The following BMP6 variants were observed in gnomAD, a reference collection of about 807,000 sequenced individuals.
The protein encoded by BMP6 is bone morphogenetic protein 6, also known as VG-1-R.
Under a neutral mutation model 54.1 loss-of-function variants are expected in BMP6, and 17 were observed. The ratio of observed to expected loss-of-function variants is 0.31; its 90% CI spans 0.22 to 0.47. The LOEUF (loss-of-function observed/expected upper bound fraction) is 0.47, where lower values mean the gene tolerates loss of function less well. BMP6 is among the 20% of genes least tolerant of loss of function. BMP6 has a pLI of 1.00. For missense variants in BMP6, 720 were observed against 690.4 expected, an observed-to-expected ratio of 1.04 and a Z score of -0.48; for synonymous variants, 328 against 291.2, an observed-to-expected ratio of 1.13 and a Z score of -1.28.
intron 1 of BMP6, among the ~76,000 whole-genome samples, chr6:7,839,395 C>A (rs897517648): frequency 6.6e-6 from 1 of 152,214 alleles, no homozygotes; most frequent in Non-Finnish European, 1.5e-5. Context: ...GTGCCACTAT[C>A]ACCACTTCCT....
chr6:7,758,797 C>T (rs1050388889), intron 1 of BMP6, among the ~76,000 whole-genome samples: 5 of 152,092 alleles, frequency 3.3e-5, no homozygotes, highest in Non-Finnish European at 5.9e-5. Flanking sequence ...CCTCTCTCCA[C>T]CCCCTTCCAC....
chr6:7,793,157 C>T (rs959938571), intron 1 of BMP6, among the ~76,000 whole-genome samples: 3 of 151,970 alleles, frequency 2.0e-5, no homozygotes, highest in Admixed American at 2.0e-4. Flanking sequence ...AATGGATAAA[C>T]AAACTGGCAC....
intron 1 of BMP6, among the ~76,000 whole-genome samples, chr6:7,750,079 C>T (rs989871022): frequency 6.6e-6 from 1 of 152,200 alleles, no homozygotes; most frequent in African/African-American, 2.4e-5. Flanking sequence ...GGGTGGGTGC[C>T]ATGAACCCTG....
At position 7,862,372 on chromosome 6, in the gene BMP6, G is replaced by C. The variant is rs1459108129; in HGVS notation, c.1078G>C (p.Val360Leu). 1.9e-6 allele frequency: 3 copies of C among 1,614,086 alleles called. No individual in the cohort carries two copies. Among genetic ancestry groups the C allele is most frequent in the Non-Finnish European group, 2.5e-6 (3 of 1,180,040 alleles). ...CCCTTACGACAAGCAGCCCTTCATG[G>C]TGGCTTTCTTCAAAGTGAGTGAGGT... ...DGPYDKQPFM[V>L]AFFKVSEVHV... Residue 360 changes from valine to leucine, a missense_variant, in exon 4 of 7, where the codon GTG becomes CTG. Physicochemically the swap from Val to Leu is conservative, Grantham distance 32 (BLOSUM62 1). Around this residue, in one of 3 missense-constraint regions of BMP6, gnomAD observed 650 missense variants for 556.3 expected, o/e 1.17. Transcript: ENST00000283147.
At chr6:7,798,232 G>T (rs537808129) in intron 1 of BMP6, among the ~76,000 whole-genome samples, 1 of 152,266 alleles carries the variant, frequency 6.6e-6, no homozygotes, top group Admixed American at 6.5e-5. Context: ...AAGGCCACAG[G>T]GTATACCTTT....
intron 1 of BMP6, among the ~76,000 whole-genome samples, chr6:7,808,119 A>G (rs1207344930): frequency 2.0e-5 from 3 of 151,664 alleles, no homozygotes; most frequent in Non-Finnish European, 4.4e-5. Flanking sequence ...ATGGGGTTTC[A>G]CCGTGTTAGC....
intron 1 of BMP6, among the ~76,000 whole-genome samples, chr6:7,787,167 C>G (rs1390306185): frequency 6.6e-6 from 1 of 152,184 alleles, no homozygotes; most frequent in Non-Finnish European, 1.5e-5. Context: ...TTTGGGAGAT[C>G]ATTCCTTGAA....
intron 4 of BMP6, 38 bp downstream of exon 4, chr6:7,862,536 G>C: frequency 6.2e-7 from 1 of 1,610,106 alleles, no homozygotes; most frequent in South Asian, 1.1e-5. Flanking sequence ...AGAAAGCCTT[G>C]TTGGCCTCAG....
intron 1 of BMP6, among the ~76,000 whole-genome samples, chr6:7,734,258 T>C (rs1174466532): frequency 1.3e-5 from 2 of 152,228 alleles, no homozygotes; most frequent in African/African-American, 4.8e-5. Flanking sequence ...GGTGAATGTA[T>C]GTTCGCCATA....
chr6:7,856,318 A>G (rs1157958509), intron 2 of BMP6, among the ~76,000 whole-genome samples: 2 of 152,098 alleles, frequency 1.3e-5, no homozygotes, highest in African/African-American at 4.8e-5. Context: ...TACGTAAGGA[A>G]AAAGTAAAAA....
chr6:7,851,810 T>G (rs6597286), intron 2 of BMP6, among the ~76,000 whole-genome samples: 7,923 of 152,262 alleles, frequency 0.052, 252 homozygotes, highest in African/African-American at 0.087. Context: ...TGTTTTTTTT[T>G]AATTTTGGGA....
chr6:7,819,691 A>G (rs1256417535), intron 1 of BMP6, among the ~76,000 whole-genome samples: 1 of 152,190 alleles, frequency 6.6e-6, no homozygotes, highest in Non-Finnish European at 1.5e-5. Flanking sequence ...TTTTCCCTCC[A>G]GTTACCATTT....
intron 1 of BMP6, among the ~76,000 whole-genome samples, chr6:7,819,677 G>GT (rs1449965020): frequency 2.0e-5 from 3 of 152,248 alleles, no homozygotes; most frequent in African/African-American, 4.8e-5. Context: ...TTGTATTTAA[G>GT]TTTTTTTCCC....
intron 1 of BMP6, among the ~76,000 whole-genome samples, chr6:7,784,790 C>T (rs563713385): frequency 3.2e-4 from 49 of 152,144 alleles, no homozygotes; most frequent in Non-Finnish European, 6.9e-4. Context: ...ATAGGAGCAG[C>T]TGAGGAAAGG....
chr6:7,751,416 G>A (rs1448302236), intron 1 of BMP6, among the ~76,000 whole-genome samples: 1 of 152,168 alleles, frequency 6.6e-6, no homozygotes, highest in Non-Finnish European at 1.5e-5. Flanking sequence ...TGAATAACAA[G>A]GATGAATCTT....
chr6:7,774,981 CAG>C (rs756336375), intron 1 of BMP6, among the ~76,000 whole-genome samples: 3 of 152,100 alleles, frequency 2.0e-5, no homozygotes, highest in Non-Finnish European at 2.9e-5. Context: ...AAAGGAGAAA[CAG>C]AGAGGAAGGG....
intron 1 of BMP6, among the ~76,000 whole-genome samples, chr6:7,818,258 G>A (rs530285148): frequency 5.8e-4 from 89 of 152,236 alleles, no homozygotes; most frequent in Non-Finnish European, 1.1e-3. Context: ...ATGTCAAGAT[G>A]AGCGTGGCAA....
At chr6:7,785,030 A>G (rs867326638) in intron 1 of BMP6, among the ~76,000 whole-genome samples, 5 of 152,326 alleles carry the variant, frequency 3.3e-5, no homozygotes, top group African/African-American at 9.6e-5. Context: ...CATGGAGATG[A>G]GAAAGTTTAG....
chr6:7,759,702 T>TTTTC (rs1280784360), intron 1 of BMP6, among the ~76,000 whole-genome samples: 2 of 126,732 alleles, frequency 1.6e-5, no homozygotes, highest in African/African-American at 6.4e-5. Context: ...TCTTCTTTTT[T>TTTTC]TTTTTTTTTT....
Sources: allele counts gnomAD v4.1 joint callset (sites outside exome capture counted in the v4.1 genomes callset), GRCh38; gene constraint gnomAD v4.1.1; regional missense constraint gnomAD v4.1.1; transcripts MANE v1.5; gene names NCBI Gene and HGNC (gene_info 2026-07-23, HGNC 2026-07-21).